The following PDE10A variants were observed in gnomAD, a reference collection of about 807,000 sequenced individuals.
PDE10A encodes cAMP and cAMP-inhibited cGMP 3',5'-cyclic phosphodiesterase 10A.
PDE10A carries 39 observed loss-of-function variants against 97.7 expected under a neutral mutation model. The observed-to-expected ratio is 0.40, with a 90% CI of 0.31 to 0.52. PDE10A has a LOEUF of 0.52. Among genes scored for constraint, PDE10A ranks in the 20% least tolerant of loss-of-function variants. PDE10A has a pLI of 0.56. For synonymous variants in PDE10A, 371 were observed against 376.8 expected, an observed-to-expected ratio of 0.98 and a Z score of 0.18; for missense variants, 731 against 1,047.8, an observed-to-expected ratio of 0.70 and a Z score of 4.17.
At chr6:165,585,616 G>C (rs914883209) in intron 1 of PDE10A, among the ~76,000 whole-genome samples, 2 of 152,112 alleles carry the variant, frequency 1.3e-5, no homozygotes, top group African/African-American at 4.8e-5. Context: ...AGCTGGAATA[G>C]GCAGGAAAGG....
intron 13 of PDE10A, among the ~76,000 whole-genome samples, chr6:165,401,014 C>T (rs1440890974): frequency 6.6e-6 from 1 of 152,030 alleles, no homozygotes; most frequent in African/African-American, 2.4e-5. Flanking sequence ...TTTATAGTGA[C>T]AGAAAGCAAA....
At chr6:165,575,650 G>C (rs1286454020) in intron 1 of PDE10A, among the ~76,000 whole-genome samples, 5 of 152,098 alleles carry the variant, frequency 3.3e-5, no homozygotes, top group African/African-American at 9.7e-5. Context: ...TTCACACCTG[G>C]TAAACCCATC....
chr6:165,443,784 T>C (rs1790647066), intron 5 of PDE10A, among the ~76,000 whole-genome samples: 1 of 152,190 alleles, frequency 6.6e-6, no homozygotes, highest in African/African-American at 2.4e-5. Context: ...CTGAAGTGAC[T>C]GGGACACAGG....
chr6:165,568,587 A>C (rs919309289), intron 1 of PDE10A, among the ~76,000 whole-genome samples: 7 of 152,164 alleles, frequency 4.6e-5, no homozygotes, highest in Non-Finnish European at 5.9e-5. Context: ...CTTGCTTATC[A>C]GATCAACTGT....
chr6:165,863,404 G>A (rs1583205788), intron 1 of PDE10A, among the ~76,000 whole-genome samples: 1 of 152,258 alleles, frequency 6.6e-6, no homozygotes, highest in South Asian at 2.1e-4. Context: ...CAGGTTTAAT[G>A]TCATCACTAG....
chr6:165,845,745 T>C (rs748988962), intron 1 of PDE10A, among the ~76,000 whole-genome samples: 38 of 152,242 alleles, frequency 2.5e-4, no homozygotes, highest in Non-Finnish European at 2.6e-4. Flanking sequence ...AGCATTAAAT[T>C]GTACCATTTG....
At chr6:165,739,711 G>A (rs1792671965) in intron 1 of PDE10A, among the ~76,000 whole-genome samples, 1 of 152,054 alleles carries the variant, frequency 6.6e-6, no homozygotes, top group African/African-American at 2.4e-5. Flanking sequence ...GAAAATAATT[G>A]CAAACCATAC....
At chr6:165,523,308 C>T (rs1782240585) in intron 2 of PDE10A, among the ~76,000 whole-genome samples, 1 of 152,026 alleles carries the variant, frequency 6.6e-6, no homozygotes, top group Non-Finnish European at 1.5e-5. Context: ...GCCCAAATTG[C>T]CAAAACAATC....
intron 1 of PDE10A, among the ~76,000 whole-genome samples, chr6:165,584,481 A>G (rs1327098008): frequency 6.6e-6 from 1 of 152,102 alleles, no homozygotes. Context: ...TGCACCCCTC[A>G]TCTGAGCTGA....
At chr6:165,897,228 T>C (rs1486113122) in intron 1 of PDE10A, among the ~76,000 whole-genome samples, 1 of 152,184 alleles carries the variant, frequency 6.6e-6, no homozygotes, top group African/African-American at 2.4e-5. Flanking sequence ...GCCACATGGC[T>C]AGGGTCCTGG....
chr6:165,970,715 T>C (rs1383546377), intron 1 of PDE10A, among the ~76,000 whole-genome samples: 2 of 152,244 alleles, frequency 1.3e-5, no homozygotes, highest in East Asian at 3.8e-4. Context: ...GTTATATATC[T>C]TTTTGTCTTT....
intron 18 of PDE10A, among the ~76,000 whole-genome samples, chr6:165,368,958 C>A (rs2128198938): frequency 6.6e-6 from 1 of 152,296 alleles, no homozygotes; most frequent in East Asian, 1.9e-4. Context: ...TGCTGATACC[C>A]AGGCAAACAG....
chr6:165,597,482 G>A (rs1472538786), intron 1 of PDE10A, among the ~76,000 whole-genome samples: 1 of 152,140 alleles, frequency 6.6e-6, no homozygotes, highest in Admixed American at 6.6e-5. Context: ...TAAAACTCAG[G>A]TTTTGGCCAC....
Position 165,479,068 on chromosome 6 carries a change from T to C in PDE10A, c.1023+3247A>G, listed in dbSNP as rs574509135. ...GGACACACCTCAGAACCTCCTGAGGTTGTCATAGGCATGTCCTTAACCTTG... is the reference window on the plus strand; with the variant it reads ...GGACACACCTCAGAACCTCCTGAGGCTGTCATAGGCATGTCCTTAACCTTG... On this transcript the variant is annotated intron_variant, in intron 3 of 21. Coordinates refer to ENST00000539869, the MANE Select transcript of PDE10A (RefSeq NM_001385079.1). Among the ~76,000 whole-genome samples, 201 of 152,280 alleles carry C rather than the reference T, an allele frequency of 1.3e-3. 1 individual carries two copies. The highest frequency in any genetic ancestry group is 4.7e-3 in the African/African-American group (196 of 41,552).
rs148914102 is a variant in PDE10A at position 165,757,020 on chromosome 6, T to G, written c.-614-213452A>C. ...TCTCGCTCTGTTGCCCAGGCTGCAG[T>G]GCAGTGGCAAGATCTCAGTTCACTG... On this transcript the variant is annotated intron_variant, in intron 1 of 19. Transcript: ENST00000366882. Among the ~76,000 whole-genome samples, 66 of 151,564 alleles carry G rather than the reference T, an allele frequency of 4.4e-4. 1 individual carries two copies. In the East Asian group the frequency reaches 0.011, roughly 26 times the overall value.
rs370865492 is a variant in PDE10A at position 165,567,993 on chromosome 6, C to CCTTTTT, written c.866-24426_866-24425insAAAAAG. On this transcript the variant is annotated intron_variant, in intron 1 of 21. Coordinates refer to ENST00000539869, the MANE Select transcript of PDE10A (RefSeq NM_001385079.1). ...AGCACACAATAGGTACGCAACAAGG[C>CCTTTTT]ATTTTTTTTTTTTTTTTTTTTTTGA... is the stretch of plus-strand genomic sequence containing the variant. Among the ~76,000 whole-genome samples the CCTTTTT allele has an allele frequency of 1.7e-3, 193 of 115,564 alleles. 19 individuals carry two copies. Among genetic ancestry groups the CCTTTTT allele is most frequent in the East Asian group, 0.011 (35 of 3,290 alleles). 75.8% of individuals were successfully genotyped at this position (115,564 alleles called of 152,430 possible). A position where few individuals can be genotyped will look rare whatever the true frequency, so the allele number is the denominator to read the frequency against.
At chr6:165,495,780 AT>A (rs1339741680) in intron 2 of PDE10A, among the ~76,000 whole-genome samples, 1 of 152,162 alleles carries the variant, frequency 6.6e-6, no homozygotes, top group East Asian at 1.9e-4. Flanking sequence ...TTTGCTCACT[AT>A]TAACTCAAAA....
rs190744910 is a variant in PDE10A, at chr6:165,530,224, T to C, written c.994+13216A>G. On this transcript the variant is annotated intron_variant, in intron 2 of 21. Transcript: ENST00000539869. ...CTTGCAGACAGCCTACTGTGGGAACTTGTGATTGTGTAAGTTAATACTTTA... is the reference window on the plus strand; with the variant it reads ...CTTGCAGACAGCCTACTGTGGGAACCTGTGATTGTGTAAGTTAATACTTTA... Among the ~76,000 whole-genome samples, 3 of 152,104 alleles carry C rather than the reference T, an allele frequency of 2.0e-5. No individual in the cohort carries two copies. The East Asian group carries it at 5.8e-4, about 30-fold the overall frequency.
chr6:165,652,221 T>C (rs1355662812), intron 1 of PDE10A, among the ~76,000 whole-genome samples: 2 of 152,194 alleles, frequency 1.3e-5, no homozygotes, highest in South Asian at 2.1e-4. Flanking sequence ...AATTAGCACA[T>C]CCAAGAAGCC....
Sources: allele counts gnomAD v4.1 joint callset (sites outside exome capture counted in the v4.1 genomes callset), GRCh38; gene constraint gnomAD v4.1.1; transcripts MANE v1.5; gene names NCBI Gene and HGNC (gene_info 2026-07-23, HGNC 2026-07-21).